TBCD: variants seen among roughly 807,000 people sequenced by gnomAD.
TBCD encodes the protein tubulin folding cofactor D.
A neutral mutation model predicts 169.3 loss-of-function variants in TBCD; 105 were observed. The ratio of observed to expected loss-of-function variants is 0.62; its 90% confidence interval spans 0.53 to 0.73. TBCD has a LOEUF of 0.73. TBCD is among the 30% of genes least tolerant of loss of function. TBCD has a pLI of 0.00. For missense variants in TBCD, 1,444 were observed against 1,600.1 expected (o/e 0.90, Z 1.66); for synonymous variants, 700 against 643.9 (o/e 1.09, Z -1.32).
rs563659718 is a variant in TBCD at position 82,883,738 on chromosome 17, C to T, written c.1476-407C>T. Among the ~76,000 whole-genome samples the T allele has an allele frequency of 2.0e-5, 3 of 152,366 alleles. No homozygotes were observed. In the South Asian group the frequency reaches 6.2e-4, roughly 32 times the overall value. On this transcript the variant is annotated intron_variant, in intron 14 of 38. Transcript: ENST00000355528. ...GTGTCGGCCACCTTGGTTTGCCCCCCTGTCCAAACGCTGCCAGTTCTCGTC... is the reference window on the plus strand; with the variant it reads ...GTGTCGGCCACCTTGGTTTGCCCCCTTGTCCAAACGCTGCCAGTTCTCGTC...
intron 7 of TBCD, among the ~76,000 whole-genome samples, chr17:82,783,478 G>A (rs2049089152): frequency 6.6e-6 from 1 of 152,194 alleles, no homozygotes; most frequent in Non-Finnish European, 1.5e-5. Flanking sequence ...TCATCATCGT[G>A]AGAGAAACCT....
chr17:82,907,000 T>C (rs1255904473), intron 20 of TBCD, among the ~76,000 whole-genome samples: 2 of 152,220 alleles, frequency 1.3e-5, no homozygotes, highest in African/African-American at 4.8e-5. Flanking sequence ...CAGTGAGATG[T>C]GACCACACCT....
Position 82,927,334 on chromosome 17 carries a change from A to G in TBCD, c.2609+11A>G, listed in dbSNP as rs1163365098. The G allele has an allele frequency of 6.2e-7, 1 of 1,612,394 alleles. No individual in the cohort carries two copies. Among genetic ancestry groups the G allele is most frequent in the African/African-American group, 1.3e-5 (1 of 74,886 alleles). On this transcript the variant is annotated intron_variant, in intron 29 of 38. Coordinates refer to ENST00000355528, the MANE Select transcript of TBCD (RefSeq NM_005993.5). ...GGACGTGGGCACCTGGTACGTACGTAGCAGTGGGTGAGCGCTTCTTCTGAG... is the reference window on the plus strand; with the variant it reads ...GGACGTGGGCACCTGGTACGTACGTGGCAGTGGGTGAGCGCTTCTTCTGAG...
intron 2 of TBCD, among the ~76,000 whole-genome samples, chr17:82,763,538 C>T (rs1443929823): frequency 3.3e-5 from 5 of 152,114 alleles, no homozygotes; most frequent in East Asian, 1.9e-4. Flanking sequence ...GTCAGGAGTT[C>T]GAGACCAGCC....
At chr17:82,866,698 C>A (rs143331693) in intron 13 of TBCD, among the ~76,000 whole-genome samples, 1 of 144,940 alleles carries the variant, frequency 6.9e-6, no homozygotes, top group Non-Finnish European at 1.5e-5. Flanking sequence ...TGGGCAGAGG[C>A]CCCAGAGGCC....
intron 13 of TBCD, among the ~76,000 whole-genome samples, chr17:82,856,987 GGA>G (rs1316099339): frequency 5.7e-4 from 87 of 152,006 alleles, no homozygotes; most frequent in Middle Eastern, 3.4e-3. Context: ...ATCCAGGGCG[GGA>G]TCGCTGGACC....
At chr17:82,794,737 A>C (rs2049981548) in intron 7 of TBCD, among the ~76,000 whole-genome samples, 1 of 151,966 alleles carries the variant, frequency 6.6e-6, no homozygotes, top group Non-Finnish European at 1.5e-5. Flanking sequence ...GTCTTCATTG[A>C]CTCGTTCCTT....
At chr17:82,926,846 G>A in intron 28 of TBCD, 1 of 491,918 alleles carries the variant, frequency 2.0e-6, no homozygotes. Flanking sequence ...TCTCCTCCCT[G>A]CAGGCACACA....
chr17:82,797,962 C>CTTTTTTTTTTTTTT lies in TBCD; in HGVS notation c.817+179_817+192dup, dbSNP rs60671571. Among the ~76,000 whole-genome samples, 31 of 49,042 alleles carry CTTTTTTTTTTTTTT rather than the reference C, an allele frequency of 6.3e-4. 9 individuals are homozygous for CTTTTTTTTTTTTTT. Among genetic ancestry groups the CTTTTTTTTTTTTTT allele is most frequent in the South Asian group, 2.5e-3 (2 of 812 alleles). 32.2% of individuals were successfully genotyped at this position (49,042 alleles called of 152,430 possible). A position where few individuals can be genotyped will look rare whatever the true frequency, so the allele number is the denominator to read the frequency against. On this transcript the variant is annotated intron_variant, in intron 8 of 38. Transcript: ENST00000355528. ...TTTGTTGTGGGTTTTAGTAACTGAA[C>CTTTTTTTTTTTTTT]TTTTTTTTTTTTTTTTTTTTTTTTT...
In TBCD at chr17:82,874,137, G is replaced by A. The variant is rs1482762850; in HGVS notation, c.1475+3757G>A. 6.6e-6 allele frequency among the ~76,000 whole-genome samples: 1 copy of A among 152,212 alleles called. No homozygotes were observed. Among genetic ancestry groups the A allele is most frequent in the Non-Finnish European group, 1.5e-5 (1 of 68,026 alleles). On this transcript the variant is annotated intron_variant, in intron 14 of 38. Transcript: ENST00000355528. The surrounding 1 kb of genome is among the most constrained non-coding windows in gnomAD (Gnocchi z 5.0). Reference sequence around the variant, plus strand: ...GGGGTGCTCCCTGGGGGTTGTGTGTGTGTGGGTCCCACGGTGGGAGGTGGG... The same window carrying A: ...GGGGTGCTCCCTGGGGGTTGTGTGTATGTGGGTCCCACGGTGGGAGGTGGG...
chr17:82,880,906 T>C lies in TBCD; in HGVS notation c.1476-3239T>C, dbSNP rs1283828163. The stretch of plus-strand genomic sequence containing the variant: ...GAGCAAGTGGCCGAGGGGTAGACTT[T>C]GGATGGCTCCAGGCGGAACTCGGGG... On this transcript the variant is annotated intron_variant, in intron 14 of 38. Coordinates refer to ENST00000355528, the MANE Select transcript of TBCD (RefSeq NM_005993.5). This position sits in a 1 kb window ranked among gnomAD's most constrained non-coding sequence, Gnocchi z 5.0. Among the ~76,000 whole-genome samples, 1 of 151,748 alleles carries C rather than the reference T, an allele frequency of 6.6e-6. No individual in the cohort carries two copies. Among genetic ancestry groups the C allele is most frequent in the Non-Finnish European group, 1.5e-5 (1 of 67,876 alleles).
chr17:82,921,270 C>T (rs1365225903), intron 24 of TBCD: 1 of 550,772 alleles, frequency 1.8e-6, no homozygotes, highest in African/African-American at 1.9e-5. Context: ...TAAAAATTTA[C>T]AGAATGCTGG....
At chr17:82,776,512 A>G (rs1410622179) in intron 6 of TBCD, among the ~76,000 whole-genome samples, 2 of 152,190 alleles carry the variant, frequency 1.3e-5, no homozygotes, top group Non-Finnish European at 2.9e-5. Context: ...CACCGTTATG[A>G]CTTTTAATGT....
At chr17:82,836,105 G>A (rs1011322097) in intron 13 of TBCD, among the ~76,000 whole-genome samples, 1 of 152,236 alleles carries the variant, frequency 6.6e-6, no homozygotes. Flanking sequence ...AAGAAAGAAC[G>A]TGAAATAATT....
intron 13 of TBCD, chr17:82,838,656 TTGAC>T (rs1265389664): frequency 1.5e-5 from 15 of 985,360 alleles, no homozygotes; most frequent in Non-Finnish European, 1.8e-5. Context: ...TTTCCAGTGA[TTGAC>T]TGCCACTCCC....
intron 35 of TBCD, 39 bp from the exon 36 acceptor site, chr17:82,938,010 G>C (rs2062780016): frequency 3.1e-6 from 5 of 1,610,028 alleles, no homozygotes; most frequent in Non-Finnish European, 4.2e-6. Flanking sequence ...GGCCTGCGCG[G>C]GGTGGGGCTC....
At chr17:82,818,570 A>G (rs546253314) in intron 13 of TBCD, among the ~76,000 whole-genome samples, 1 of 152,262 alleles carries the variant, frequency 6.6e-6, no homozygotes, top group South Asian at 2.1e-4. Flanking sequence ...ATTTGATACC[A>G]GCCTGGACAT....
At chr17:82,871,945 C>T (rs1331309976) in intron 14 of TBCD, among the ~76,000 whole-genome samples, 4 of 151,656 alleles carry the variant, frequency 2.6e-5, no homozygotes, top group African/African-American at 9.8e-5. Context: ...GTAAGCAGCT[C>T]GTTGTGAGGC....
intron 12 of TBCD, among the ~76,000 whole-genome samples, chr17:82,810,655 G>A (rs1209702922): frequency 3.9e-5 from 6 of 152,232 alleles, no homozygotes; most frequent in Non-Finnish European, 8.8e-5. Context: ...ACCTCCCCAG[G>A]GAATTCTCCC....
Sources: allele counts gnomAD v4.1 joint callset (sites outside exome capture counted in the v4.1 genomes callset), GRCh38; gene constraint gnomAD v4.1.1; non-coding constraint Gnocchi (gnomAD v3.1); transcripts MANE v1.5; gene names NCBI Gene and HGNC (gene_info 2026-07-23, HGNC 2026-07-21).